Variants in MTA3 observed in about 807,000 individuals in gnomAD.
MTA3 encodes the protein metastasis-associated protein MTA3.
A neutral mutation model predicts 83.5 loss-of-function variants in MTA3; 34 were observed. The ratio of observed to expected loss-of-function variants is 0.41; its 90% CI spans 0.31 to 0.54. The LOEUF is 0.54. Among genes scored for constraint, MTA3 ranks in the 20% least tolerant of loss-of-function variants. The pLI, the probability that MTA3 is intolerant of heterozygous loss-of-function variation, is 0.33. For synonymous variants in MTA3, 303 were observed against 252.7 expected, an observed-to-expected ratio of 1.20 and a Z score of -1.89; for missense variants, 761 against 726.4, an observed-to-expected ratio of 1.05 and a Z score of -0.55.
chr2:42,516,435 C>A (rs1002193885), intron 2 of MTA3, among the ~76,000 whole-genome samples: 4 of 152,194 alleles, frequency 2.6e-5, no homozygotes, highest in African/African-American at 9.6e-5. Context: ...CTAAAGGTCC[C>A]AACCCATCTC....
chr2:42,704,171 C>G (rs1294353128), intron 11 of MTA3, 23 bp from the exon 12 acceptor site: 1 of 1,610,510 alleles, frequency 6.2e-7, no homozygotes, highest in East Asian at 2.2e-5. Flanking sequence ...CATTTTATCA[C>G]CTTATTTTAA....
At chr2:42,524,472 G>GTTTTTTTT (rs58288129) in intron 2 of MTA3, among the ~76,000 whole-genome samples, 11 of 70,676 alleles carry the variant, frequency 1.6e-4, no homozygotes, top group African/African-American at 2.9e-4. Flanking sequence ...GGCTAGTTGT[G>GTTTTTTTT]TTTTTTTTTT....
chr2:42,586,557 AACACACACACACACAC>A lies in MTA3; in HGVS notation c.190+7401_190+7416del, dbSNP rs68029790. On this transcript the variant is annotated intron_variant, in intron 3 of 16. Coordinates refer to ENST00000405094, the MANE Select transcript of MTA3 (RefSeq NM_001330442.2). ...AAAACACACACACACAAGGAAGGAA[AACACACACACACACAC>A]ACACACACACACACACACACACACA... 2.5e-3 allele frequency among the ~76,000 whole-genome samples: 316 copies of A among 125,994 alleles called. 6 individuals carry two copies. Among genetic ancestry groups the A allele is most frequent in the African/African-American group, 7.6e-3 (257 of 33,828 alleles). The allele number at this position is 125,994 out of a possible 152,430, so 82.7% of individuals were successfully genotyped here. A position where few individuals can be genotyped will look rare whatever the true frequency, so the allele number is the denominator to read the frequency against.
At chr2:42,508,389 T>C (rs1186393258) in intron 2 of MTA3, among the ~76,000 whole-genome samples, 1 of 152,150 alleles carries the variant, frequency 6.6e-6, no homozygotes, top group Non-Finnish European at 1.5e-5. Flanking sequence ...TGGAGTGCAG[T>C]GGCACCATCT....
chr2:42,735,056 A>G (rs1444872285), intron 16 of MTA3, among the ~76,000 whole-genome samples: 1 of 152,154 alleles, frequency 6.6e-6, no homozygotes, highest in Non-Finnish European at 1.5e-5. Context: ...ATTACCAGTA[A>G]GTTTTGTACC....
intron 16 of MTA3, among the ~76,000 whole-genome samples, chr2:42,748,110 C>T (rs1669578159): frequency 2.6e-5 from 4 of 151,974 alleles, no homozygotes; most frequent in Admixed American, 2.0e-4. Context: ...CTCTCTGCAA[C>T]CTCTGCCTCC....
chr2:42,748,328 T>G (rs1040063778), intron 16 of MTA3, among the ~76,000 whole-genome samples: 3 of 152,038 alleles, frequency 2.0e-5, no homozygotes, highest in Non-Finnish European at 2.9e-5. Flanking sequence ...CCTCCCAAAG[T>G]GTTGGGATTA....
chr2:42,590,364 C>G (rs1456405967), intron 3 of MTA3, among the ~76,000 whole-genome samples: 1 of 152,058 alleles, frequency 6.6e-6, no homozygotes, highest in East Asian at 1.9e-4. Context: ...TAAAAAGAAC[C>G]AGCACACCTC....
intron 16 of MTA3, among the ~76,000 whole-genome samples, chr2:42,729,555 T>C (rs1234991111): frequency 6.6e-6 from 1 of 152,244 alleles, no homozygotes; most frequent in African/African-American, 2.4e-5. Context: ...CCAATGTATG[T>C]TCTTGGCACC....
chr2:42,569,061 A>G (rs904125613), intron 1 of MTA3, among the ~76,000 whole-genome samples: 2 of 151,718 alleles, frequency 1.3e-5, no homozygotes, highest in Non-Finnish European at 2.9e-5. Context: ...ACCCCCCTCC[A>G]CGAAACCCTC....
chr2:42,718,343 G>T (rs571179331), intron 14 of MTA3, among the ~76,000 whole-genome samples: 1 of 151,916 alleles, frequency 6.6e-6, no homozygotes, highest in African/African-American at 2.4e-5. Flanking sequence ...CACCTCCTGG[G>T]TTCAAGCAAT....
Position 42,548,831 on chromosome 2 carries a change from TA to T in MTA3, c.-140-21605del, listed in dbSNP as rs1676896316. Among the ~76,000 whole-genome samples the T allele has an allele frequency of 9.4e-4, 8 of 8,534 alleles. 2 individuals carry two copies. The highest frequency in any genetic ancestry group is 3.2e-3 in the African/African-American group (8 of 2,526). 5.6% of individuals were successfully genotyped at this position (8,534 alleles called of 152,430 possible). ...AAAAAATATATATATATATATATAA[TA>T]TATATATATATATAATATATATATA... On this transcript the variant is annotated intron_variant, in intron 2 of 17. Transcript: ENST00000405592.
At chr2:42,534,579 G>C (rs1390427933) in intron 2 of MTA3, among the ~76,000 whole-genome samples, 1 of 149,392 alleles carries the variant, frequency 6.7e-6, no homozygotes, top group Non-Finnish European at 1.5e-5. Context: ...CCTGGGCGAT[G>C]AGTGAAACTC....
At chr2:42,550,922 G>C (rs2103775009) in intron 2 of MTA3, among the ~76,000 whole-genome samples, 1 of 151,894 alleles carries the variant, frequency 6.6e-6, no homozygotes, top group Admixed American at 6.6e-5. Context: ...CACACCTGTA[G>C]TCCCAGCTAC....
intron 2 of MTA3, among the ~76,000 whole-genome samples, chr2:42,529,784 G>T (rs1326999846): frequency 6.6e-6 from 1 of 152,192 alleles, no homozygotes; most frequent in Non-Finnish European, 1.5e-5. Context: ...TGTAGGGCAG[G>T]TTCTTAACCA....
intron 15 of MTA3, among the ~76,000 whole-genome samples, chr2:42,720,314 G>A (rs969486182): frequency 6.6e-6 from 1 of 151,896 alleles, no homozygotes; most frequent in African/African-American, 2.4e-5. Flanking sequence ...TCCTGAGTAG[G>A]TGGGACTACA....
Position 42,708,928 on chromosome 2 carries a change from C to G in MTA3, c.1357C>G (p.Arg453Gly), listed in dbSNP as rs749873558. The G allele has an allele frequency of 9.9e-6, 16 of 1,613,814 alleles. No homozygotes were observed. Among genetic ancestry groups the G allele is most frequent in the Non-Finnish European group, 1.4e-5 (16 of 1,179,884 alleles). The change falls in exon 14 of 17, where the codon CGA becomes GGA. Residue 453 changes from arginine (R) to glycine (G), a missense_variant. Coordinates refer to ENST00000405094, the MANE Select transcript of MTA3 (RefSeq NM_001330442.2). ...CCAGGCCATGCAGGGAATGCCAGTCCGAAACACTGGGAGTCCAAAGTCTGC... is the reference window on the plus strand; with the variant it reads ...CCAGGCCATGCAGGGAATGCCAGTCGGAAACACTGGGAGTCCAAAGTCTGC... Reference protein sequence around the residue: ...SRQAMQGMPVRNTGSPKSAVK... With the variant: ...SRQAMQGMPVGNTGSPKSAVK...
chr2:42,565,018 C>T (rs111479501), upstream of MTA3, among the ~76,000 whole-genome samples: 97 of 152,126 alleles, frequency 6.4e-4, 2 homozygotes, highest in African/African-American at 2.0e-3. Flanking sequence ...CCTCATGATC[C>T]GCCGGCCTCG....
chr2:42,517,072 C>T (rs1675178171), intron 2 of MTA3, among the ~76,000 whole-genome samples: 1 of 151,928 alleles, frequency 6.6e-6, no homozygotes. Flanking sequence ...CCAGCCTGAC[C>T]AACATGGGGA....
Sources: gnomAD v4.1 joint callset for allele counts (sites outside exome capture counted in the v4.1 genomes callset) on GRCh38, gnomAD v4.1.1 for gene constraint, MANE v1.5 for transcripts, NCBI Gene and HGNC (gene_info 2026-07-23, HGNC 2026-07-21) for gene names.